The following LRRC4C variants were observed in gnomAD, a reference collection of about 807,000 sequenced individuals.
LRRC4C encodes leucine-rich repeat-containing protein 4C.
Under a neutral mutation model 33.6 loss-of-function variants are expected in LRRC4C, and 5 were observed. The observed-to-expected ratio is 0.15, with a 90% confidence interval of 0.08 to 0.31. The LOEUF (loss-of-function observed/expected upper bound fraction) is 0.31. LRRC4C is among the 10% of genes least tolerant of loss of function. The probability of loss-of-function intolerance (pLI) is 1.00; values close to 1 mark genes in which losing one functional copy is unlikely to be tolerated. For missense variants in LRRC4C, 560 were observed against 796.7 expected (o/e 0.70, Z 3.58); for synonymous variants, 329 against 302.0 (o/e 1.09, Z -0.93).
intron 2 of LRRC4C, among the ~76,000 whole-genome samples, chr11:40,706,870 CCT>C (rs1946194183): frequency 6.6e-6 from 1 of 152,134 alleles, no homozygotes; most frequent in African/African-American, 2.4e-5. Context: ...TTGTTTGTAA[CCT>C]CTCTTTTATT....
At chr11:40,807,432 C>T (rs1363928154) in intron 2 of LRRC4C, among the ~76,000 whole-genome samples, 1 of 151,776 alleles carries the variant, frequency 6.6e-6, no homozygotes, top group African/African-American at 2.4e-5. Flanking sequence ...TTCTTTATTT[C>T]ATCTTCACTG....
chr11:40,678,877 C>A (rs1403624996), intron 2 of LRRC4C, among the ~76,000 whole-genome samples: 1 of 151,890 alleles, frequency 6.6e-6, no homozygotes, highest in Non-Finnish European at 1.5e-5. Context: ...GGGGGTGCTA[C>A]AATAAAGGTA....
At chr11:41,264,132 G>A (rs1949073148) in intron 1 of LRRC4C, among the ~76,000 whole-genome samples, 2 of 129,190 alleles carry the variant, frequency 1.5e-5, no homozygotes, top group African/African-American at 3.0e-5. Context: ...TCGCTTTATT[G>A]CCAGGCTGGA....
chr11:41,359,523 T>G (rs1158560217), intron 1 of LRRC4C, among the ~76,000 whole-genome samples: 1 of 151,860 alleles, frequency 6.6e-6, no homozygotes, highest in Non-Finnish European at 1.5e-5. Context: ...TAAGTGTTTG[T>G]TTTTTTTGTT....
intron 1 of LRRC4C, among the ~76,000 whole-genome samples, chr11:41,306,224 C>G (rs1950501721): frequency 6.6e-6 from 1 of 152,134 alleles, no homozygotes; most frequent in Admixed American, 6.5e-5. Context: ...TTGTTTCTCT[C>G]TCTTTTATAA....
At position 41,372,840 on chromosome 11, in the gene LRRC4C, T is replaced by C. The variant is rs75393356; in HGVS notation, c.-496+86591A>G. On this transcript the variant is annotated intron_variant, in intron 1 of 6. Coordinates refer to ENST00000528697, the MANE Select transcript of LRRC4C (RefSeq NM_001258419.2). ...TCATATATTTACAAATCTAATATAT[T>C]CCAGAAGAAATCATAAATCTCCCTA... Among the ~76,000 whole-genome samples, 564 of 151,874 alleles carry C rather than the reference T, an allele frequency of 3.7e-3. 4 individuals are homozygous for C. Among genetic ancestry groups the C allele is most frequent in the African/African-American group, 0.013 (519 of 41,450 alleles).
At chr11:41,245,464 G>T (rs909592439) in intron 1 of LRRC4C, among the ~76,000 whole-genome samples, 8 of 152,204 alleles carry the variant, frequency 5.3e-5, no homozygotes, top group Non-Finnish European at 8.8e-5. Flanking sequence ...ACGGGTACTG[G>T]CTCCCTGCGA....
intron 1 of LRRC4C, among the ~76,000 whole-genome samples, chr11:41,348,296 C>T (rs1260559038): frequency 6.6e-6 from 1 of 152,026 alleles, no homozygotes; most frequent in Non-Finnish European, 1.5e-5. Flanking sequence ...ATAGCCAAAA[C>T]TCAATTCATG....
intron 5 of LRRC4C, among the ~76,000 whole-genome samples, chr11:40,218,634 G>T (rs3979527): frequency 0.063 from 8,871 of 140,126 alleles, 689 homozygotes; most frequent in African/African-American, 0.2. Flanking sequence ...ATGTATGTAT[G>T]TATCTATTTA....
At chr11:41,106,153 C>T (rs1320725481) in intron 1 of LRRC4C, among the ~76,000 whole-genome samples, 1 of 151,974 alleles carries the variant, frequency 6.6e-6, no homozygotes, top group Non-Finnish European at 1.5e-5. Context: ...CAACTTAGGT[C>T]CCTGAGTTCT....
intron 2 of LRRC4C, among the ~76,000 whole-genome samples, chr11:40,707,411 TA>T (rs1946224545): frequency 6.6e-6 from 1 of 152,246 alleles, no homozygotes; most frequent in Non-Finnish European, 1.5e-5. Flanking sequence ...TGACAGTCTT[TA>T]GCATGAAGGG....
intron 1 of LRRC4C, among the ~76,000 whole-genome samples, chr11:41,022,362 C>A (rs1470844562): frequency 6.6e-6 from 1 of 151,658 alleles, no homozygotes; most frequent in African/African-American, 2.4e-5. Flanking sequence ...AACCTTTAAT[C>A]TGAGGAAAAT....
chr11:40,763,038 TC>T (rs1949292324), intron 2 of LRRC4C, among the ~76,000 whole-genome samples: 1 of 150,560 alleles, frequency 6.6e-6, no homozygotes, highest in Non-Finnish European at 1.5e-5. Context: ...CATTTAAAAA[TC>T]CCTCTCTCCA....
At chr11:40,355,719 C>G (rs1947626662) in intron 3 of LRRC4C, among the ~76,000 whole-genome samples, 1 of 152,050 alleles carries the variant, frequency 6.6e-6, no homozygotes, top group African/African-American at 2.4e-5. Flanking sequence ...ATAGGCAATT[C>G]AAGACTTTCT....
At chr11:40,970,071 C>T (rs572914761) in intron 1 of LRRC4C, among the ~76,000 whole-genome samples, 7 of 152,052 alleles carry the variant, frequency 4.6e-5, no homozygotes, top group South Asian at 4.1e-4. Context: ...GAAGCAGAGA[C>T]CTGAGTTTTG....
At chr11:40,423,715 T>C (rs1476108850) in intron 3 of LRRC4C, among the ~76,000 whole-genome samples, 1 of 152,216 alleles carries the variant, frequency 6.6e-6, no homozygotes, top group African/African-American at 2.4e-5. Context: ...TTCCCTTTTG[T>C]CTTGCTTGTT....
chr11:40,334,868 T>C (rs1946529345), intron 3 of LRRC4C, among the ~76,000 whole-genome samples: 1 of 152,112 alleles, frequency 6.6e-6, no homozygotes, highest in Non-Finnish European at 1.5e-5. Flanking sequence ...AACAAAACCA[T>C]ATAGGATAAC....
At chr11:40,433,549 G>GA (rs1477954308) in intron 3 of LRRC4C, among the ~76,000 whole-genome samples, 6 of 151,730 alleles carry the variant, frequency 4.0e-5, no homozygotes, top group Non-Finnish European at 5.9e-5. Context: ...AAACTGAAAG[G>GA]AAAAAAAATT....
rs540715960 is a variant in LRRC4C at position 40,991,660 on chromosome 11, G to T, written c.-495-57937C>A. 9.7e-4 allele frequency among the ~76,000 whole-genome samples: 148 copies of T among 152,308 alleles called. 1 individual carries two copies. Among genetic ancestry groups the T allele is most frequent in the African/African-American group, 3.2e-3 (134 of 41,564 alleles). ...CTAGACAGTCCCATCTGGGGGTGATGGGAGACAGTGACAGATCATCAGGCA... is the reference window on the plus strand; with the variant it reads ...CTAGACAGTCCCATCTGGGGGTGATTGGAGACAGTGACAGATCATCAGGCA... On this transcript the variant is annotated intron_variant, in intron 1 of 6. Coordinates refer to ENST00000528697, the MANE Select transcript of LRRC4C (RefSeq NM_001258419.2).
Sources: gnomAD v4.1 joint callset for allele counts (sites outside exome capture counted in the v4.1 genomes callset) on GRCh38, gnomAD v4.1.1 for gene constraint, MANE v1.5 for transcripts, NCBI Gene and HGNC (gene_info 2026-07-23, HGNC 2026-07-21) for gene names.